The following JADE1 variants were observed in gnomAD, a reference collection of about 807,000 sequenced individuals.
JADE1 encodes the protein jade family PHD finger 1, also known as protein Jade-1.
JADE1 carries 14 observed loss-of-function variants against 81.8 expected under a neutral mutation model. The observed-to-expected ratio is 0.17, with a 90% CI of 0.11 to 0.27. The LOEUF is 0.27. Among genes scored for constraint, JADE1 ranks in the 10% least tolerant of loss-of-function variants. The pLI, the probability that JADE1 is intolerant of heterozygous loss-of-function variation, is 1.00. For synonymous variants in JADE1, 353 were observed against 391.9 expected (o/e 0.90, Z 1.17); for missense variants, 690 against 1,047.9 (o/e 0.66, Z 4.71).
intron 2 of JADE1, among the ~76,000 whole-genome samples, chr4:128,833,691 C>T (rs1357780863): frequency 6.6e-6 from 1 of 152,084 alleles, no homozygotes; most frequent in Non-Finnish European, 1.5e-5. Flanking sequence ...GAGACTCCGT[C>T]TCGAAAAAAA....
At chr4:128,814,330 G>T (rs56180223) in intron 1 of JADE1, among the ~76,000 whole-genome samples, 1,921 of 152,260 alleles carry the variant, frequency 0.013, 24 homozygotes, top group African/African-American at 0.037. Flanking sequence ...TGCGTCTTAC[G>T]TATAGTAGGC....
chr4:128,852,019 AT>A (rs1464751388), intron 5 of JADE1, 37 bp from the exon 6 acceptor site: 3 of 1,292,706 alleles, frequency 2.3e-6, no homozygotes, highest in Non-Finnish European at 3.4e-6. Context: ...ATTAATATGG[AT>A]TTATTAAAAT....
At chr4:128,819,225 C>T (rs530637315) in intron 1 of JADE1, among the ~76,000 whole-genome samples, 136 of 151,498 alleles carry the variant, frequency 9.0e-4, no homozygotes, top group African/African-American at 3.2e-3. Context: ...ACGCTGAGGG[C>T]TGTGGGTTGT....
intron 8 of JADE1, 87 bp from the exon 9 acceptor site, chr4:128,861,617 T>A (rs1442172146): frequency 7.0e-7 from 1 of 1,423,030 alleles, no homozygotes; most frequent in African/African-American, 1.4e-5. Flanking sequence ...TCTGTGCATG[T>A]GTACATGGGG....
intron 1 of JADE1, among the ~76,000 whole-genome samples, chr4:128,825,237 C>G (rs369017362): frequency 6.6e-6 from 1 of 152,134 alleles, no homozygotes; most frequent in Admixed American, 6.5e-5. Context: ...GACGGGGTTT[C>G]GCCATGTTGC....
intron 10 of JADE1, among the ~76,000 whole-genome samples, chr4:128,869,934 GATTTATA>G (rs1192353495): frequency 1.3e-5 from 2 of 152,084 alleles, no homozygotes; most frequent in Non-Finnish European, 2.9e-5. Context: ...AGATGGTCAT[GATTTATA>G]TGTCATTTAG....
At position 128,873,655 on chromosome 4, in the gene JADE1, G is replaced by A. The variant is rs1224618626; in HGVS notation, c.*1393G>A. On this transcript the variant is annotated 3_prime_UTR_variant, in exon 11 of 11. Transcript: ENST00000226319. Reference sequence around the variant, plus strand: ...TGTGAATCAAACTTAAGGAAGGAACGTTTAAATAGCAATGAGATACAGAAT... The same window carrying A: ...TGTGAATCAAACTTAAGGAAGGAACATTTAAATAGCAATGAGATACAGAAT... 3 of 152,270 alleles carry A rather than the reference G, an allele frequency of 2.0e-5. No individual in the cohort carries two copies. The East Asian group carries it at 5.8e-4, about 29-fold the overall frequency. 9.4% of individuals were successfully genotyped at this position (152,270 alleles called of 1,614,324 possible).
chr4:128,868,636 G>T (rs1035966740), intron 10 of JADE1, among the ~76,000 whole-genome samples: 2 of 152,186 alleles, frequency 1.3e-5, no homozygotes, highest in African/African-American at 4.8e-5. Context: ...CAAAGATCAA[G>T]TTGGGCAGGT....
chr4:128,862,266 AAGATGCAAAG>A, intron 9 of JADE1, 41 bp downstream of exon 9: 1 of 1,611,734 alleles, frequency 6.2e-7, no homozygotes, highest in South Asian at 1.1e-5. Context: ...CTTAGAGAAG[AAGATGCAAAG>A]AGGCGAACGC....
Position 128,832,969 on chromosome 4 carries a change from G to A in JADE1, c.52+1159G>A, listed in dbSNP as rs141246000. On this transcript the variant is annotated intron_variant, in intron 2 of 10. Transcript: ENST00000226319. The stretch of plus-strand genomic sequence containing the variant: ...GGGCTTTTGGGGAGGAGAATTGGCC[G>A]TTATGGGAGAGTGTCAGGTGTGAAG... Among the ~76,000 whole-genome samples the A allele has an allele frequency of 3.2e-4, 48 of 152,298 alleles. No individual in the cohort carries two copies. The East Asian group carries it at 4.1e-3, about 13-fold the overall frequency.
At chr4:128,837,150 CCT>C (rs973026456) in intron 2 of JADE1, among the ~76,000 whole-genome samples, 1 of 152,108 alleles carries the variant, frequency 6.6e-6, no homozygotes, top group Admixed American at 6.6e-5. Context: ...CCATGTGGGC[CCT>C]CTCTGGTCTC....
At chr4:128,824,942 A>G (rs1480106837) in intron 1 of JADE1, among the ~76,000 whole-genome samples, 1 of 152,206 alleles carries the variant, frequency 6.6e-6, no homozygotes, top group African/African-American at 2.4e-5. Context: ...GAGAGTAAGT[A>G]ATTCTAGTAA....
intron 5 of JADE1, among the ~76,000 whole-genome samples, chr4:128,851,297 TA>T (rs1253410253): frequency 2.0e-5 from 3 of 152,340 alleles, no homozygotes; most frequent in South Asian, 2.1e-4. Flanking sequence ...ATAAACCATT[TA>T]AAAATATTTG....
chr4:128,839,188 T>C (rs1364405748), intron 2 of JADE1, among the ~76,000 whole-genome samples: 2 of 152,220 alleles, frequency 1.3e-5, no homozygotes, highest in African/African-American at 2.4e-5. Flanking sequence ...CTGCGTCTTA[T>C]ACCAGTGGCT....
At chr4:128,832,851 G>A (rs1053851236) in intron 2 of JADE1, among the ~76,000 whole-genome samples, 2 of 152,220 alleles carry the variant, frequency 1.3e-5, no homozygotes, top group African/African-American at 4.8e-5. Context: ...GCTGCTGTAG[G>A]TGCCACCCTG....
chr4:128,871,767 T>C lies in JADE1; in HGVS notation c.2034T>C (p.Phe678=). 2.5e-6 allele frequency: 4 copies of C among 1,614,136 alleles called. No individual in the cohort carries two copies. Among genetic ancestry groups the C allele is most frequent in the Non-Finnish European group, 3.4e-6 (4 of 1,180,030 alleles). Residue 678 remains phenylalanine (F), a synonymous_variant, in exon 11 of 11, where the codon TTT becomes TTC. Transcript: ENST00000226319. The surrounding 1 kb of genome is among the most constrained non-coding windows in gnomAD (Gnocchi z 4.1). ...AAGGAGACTTAAAGGACAAATCTTT[T>C]AAACAGAGTCACAAGCCTCTCAGGT... ...LIKGDLKDKS[F]KQSHKPLRST... is the part of the protein sequence containing the mutation.
intron 1 of JADE1, among the ~76,000 whole-genome samples, chr4:128,812,683 T>C (rs777158475): frequency 3.3e-5 from 5 of 152,188 alleles, no homozygotes; most frequent in Admixed American, 2.0e-4. Flanking sequence ...AAGCGGGCGA[T>C]TTAAACATGC....
intron 9 of JADE1, chr4:128,863,434 T>A (rs1731532295): frequency 1.0e-6 from 1 of 984,030 alleles, no homozygotes; most frequent in Non-Finnish European, 1.2e-6. Context: ...TGGGAAACAC[T>A]GGACCAAAAA....
intron 1 of JADE1, among the ~76,000 whole-genome samples, chr4:128,815,155 C>T (rs1726902280): frequency 1.4e-5 from 2 of 146,214 alleles, no homozygotes; most frequent in Non-Finnish European, 2.9e-5. Flanking sequence ...TAAGCTCCGC[C>T]TCCCTGTAAG....
Sources: allele counts gnomAD v4.1 joint callset (sites outside exome capture counted in the v4.1 genomes callset), GRCh38; gene constraint gnomAD v4.1.1; non-coding constraint Gnocchi (gnomAD v3.1); transcripts MANE v1.5; gene names NCBI Gene and HGNC (gene_info 2026-07-23, HGNC 2026-07-21).